Variants in FHIT observed in about 807,000 individuals in gnomAD.
FHIT encodes the protein fragile histidine triad diadenosine triphosphatase, also known as bis(5'-adenosyl)-triphosphatase.
FHIT carries 19 observed loss-of-function variants against 17.9 expected under a neutral mutation model. The observed-to-expected ratio is 1.06, with a 90% CI of 0.74 to 1.56. FHIT has a LOEUF of 1.56. Among genes scored for constraint, FHIT ranks in the 40% most tolerant of loss-of-function variants. The probability of loss-of-function intolerance (pLI) is 0.00; values close to 1 mark genes in which losing one functional copy is unlikely to be tolerated. For missense variants in FHIT, 248 were observed against 189.2 expected (o/e 1.31, Z -1.82); for synonymous variants, 81 against 69.7 (o/e 1.16, Z -0.81).
intron 4 of FHIT, among the ~76,000 whole-genome samples, chr3:60,715,087 A>T (rs1478431590): frequency 1.3e-5 from 2 of 152,136 alleles, no homozygotes; most frequent in Non-Finnish European, 2.9e-5. Flanking sequence ...CAAAACAGAG[A>T]TATAGATCAA....
At chr3:59,865,766 A>C (rs1040190864) in intron 8 of FHIT, among the ~76,000 whole-genome samples, 1 of 152,196 alleles carries the variant, frequency 6.6e-6, no homozygotes. Context: ...CGATGGTGGA[A>C]ATGTACCCAG....
intron 4 of FHIT, among the ~76,000 whole-genome samples, chr3:60,766,391 A>G (rs1699856357): frequency 6.6e-6 from 1 of 152,080 alleles, no homozygotes; most frequent in Non-Finnish European, 1.5e-5. Flanking sequence ...TACTGTCTCC[A>G]TCTCTCCACT....
chr3:61,005,999 G>A (rs572327456), intron 3 of FHIT, among the ~76,000 whole-genome samples: 2 of 152,252 alleles, frequency 1.3e-5, no homozygotes, highest in East Asian at 3.9e-4. Context: ...GGCAAGGGAA[G>A]GCAGCAGTGG....
At chr3:60,560,493 A>G (rs947672924) in intron 4 of FHIT, among the ~76,000 whole-genome samples, 5 of 152,106 alleles carry the variant, frequency 3.3e-5, no homozygotes, top group Non-Finnish European at 5.9e-5. Context: ...TTCTGTAAGT[A>G]AATTTTAAAC....
At chr3:60,796,453 T>C (rs782596162) in intron 4 of FHIT, among the ~76,000 whole-genome samples, 3 of 152,232 alleles carry the variant, frequency 2.0e-5, no homozygotes, top group Non-Finnish European at 2.9e-5. Context: ...CATTTTCTTC[T>C]AAGCGAGGCT....
At chr3:61,174,181 A>G (rs1020367841) in intron 2 of FHIT, among the ~76,000 whole-genome samples, 3 of 152,340 alleles carry the variant, frequency 2.0e-5, no homozygotes, top group African/African-American at 7.2e-5. Context: ...ACATATGGCT[A>G]TGCTTTCTAT....
At chr3:60,132,618 G>C (rs998749375) in intron 5 of FHIT, among the ~76,000 whole-genome samples, 5 of 152,104 alleles carry the variant, frequency 3.3e-5, no homozygotes, top group Admixed American at 2.0e-4. Context: ...AATGGGTGAG[G>C]ATATTCTGTG....
At chr3:60,135,926 C>G (rs574526925) in intron 5 of FHIT, among the ~76,000 whole-genome samples, 1 of 152,230 alleles carries the variant, frequency 6.6e-6, no homozygotes, top group East Asian at 1.9e-4. Context: ...TCATCGCCCC[C>G]TCCCCACCAA....
intron 5 of FHIT, among the ~76,000 whole-genome samples, chr3:60,468,984 A>T (rs1392038311): frequency 6.6e-6 from 1 of 152,148 alleles, no homozygotes; most frequent in African/African-American, 2.4e-5. Flanking sequence ...TACTTTAAAT[A>T]TGTAATATCA....
chr3:60,401,547 G>A (rs1701656582), intron 5 of FHIT, among the ~76,000 whole-genome samples: 1 of 152,100 alleles, frequency 6.6e-6, no homozygotes, highest in South Asian at 2.1e-4. Flanking sequence ...CTCTTATGTG[G>A]CTCTGATAAC....
intron 5 of FHIT, among the ~76,000 whole-genome samples, chr3:60,413,247 G>T (rs1426992547): frequency 6.6e-6 from 1 of 152,014 alleles, no homozygotes; most frequent in African/African-American, 2.4e-5. Context: ...TAAATAGAAG[G>T]GAAAGACATC....
intron 4 of FHIT, among the ~76,000 whole-genome samples, chr3:60,684,955 T>G (rs1472483368): frequency 4.6e-5 from 7 of 152,152 alleles, no homozygotes; most frequent in Admixed American, 3.9e-4. Context: ...GCTTTCTTCT[T>G]TTCCTTAGAA....
chr3:61,241,213 A>T (rs560163222), intron 1 of FHIT, among the ~76,000 whole-genome samples: 1 of 152,180 alleles, frequency 6.6e-6, no homozygotes, highest in South Asian at 2.1e-4. Flanking sequence ...GGTCATTCCT[A>T]GAAGAGATTG....
intron 5 of FHIT, among the ~76,000 whole-genome samples, chr3:60,100,576 C>T (rs539161099): frequency 8.1e-4 from 123 of 152,176 alleles, no homozygotes; most frequent in Middle Eastern, 3.4e-3. Flanking sequence ...ACGCTGACCC[C>T]GAGTGGTTCC....
At chr3:60,117,494 T>TAAAAAAAA (rs34113926) in intron 5 of FHIT, among the ~76,000 whole-genome samples, 1 of 86,800 alleles carries the variant, frequency 1.2e-5, no homozygotes. Context: ...ACTTCCTATC[T>TAAAAAAAA]AAAAAAAAAA....
chr3:59,985,919 C>T (rs541858672), intron 7 of FHIT, among the ~76,000 whole-genome samples: 1 of 151,870 alleles, frequency 6.6e-6, no homozygotes, highest in African/African-American at 2.4e-5. Context: ...AGCCTGGTCC[C>T]CTCAGTACTA....
intron 5 of FHIT, among the ~76,000 whole-genome samples, chr3:60,402,726 G>T (rs1436379099): frequency 1.3e-5 from 2 of 152,046 alleles, no homozygotes; most frequent in African/African-American, 4.8e-5. Flanking sequence ...GACTATTTTG[G>T]ACTAAAAATA....
intron 1 of FHIT, among the ~76,000 whole-genome samples, chr3:61,232,815 A>G (rs1180749314): frequency 1.3e-5 from 2 of 152,188 alleles, no homozygotes; most frequent in East Asian, 3.9e-4. Flanking sequence ...TTCAAATAAG[A>G]CTGGACAGGA....
intron 5 of FHIT, among the ~76,000 whole-genome samples, chr3:60,146,629 T>C (rs1466143844): frequency 2.6e-5 from 4 of 152,156 alleles, no homozygotes; most frequent in Admixed American, 2.6e-4. Context: ...TGGGGGTAGC[T>C]ACGTTCAAAC....
Sources: allele counts gnomAD v4.1 joint callset (sites outside exome capture counted in the v4.1 genomes callset), GRCh38; gene constraint gnomAD v4.1.1; transcripts MANE v1.5; gene names NCBI Gene and HGNC (gene_info 2026-07-23, HGNC 2026-07-21).